Variants in DGKB observed in about 807,000 individuals in gnomAD.
The protein encoded by DGKB is diacylglycerol kinase beta.
In DGKB, 67 loss-of-function variants were observed where a neutral mutation model predicts 114.3. The observed-to-expected ratio is 0.59, with a 90% CI of 0.48 to 0.72. The LOEUF (loss-of-function observed/expected upper bound fraction) is 0.72. Ranked by LOEUF, DGKB falls within the 30% of genes least tolerant of loss-of-function variation. The pLI is 0.00. For synonymous variants in DGKB, 398 were observed against 323.1 expected (o/e 1.23, Z -2.49); for missense variants, 907 against 975.2 (o/e 0.93, Z 0.93).
intron 21 of DGKB, among the ~76,000 whole-genome samples, chr7:14,450,898 C>G (rs754819033): frequency 6.6e-6 from 1 of 151,940 alleles, no homozygotes; most frequent in Non-Finnish European, 1.5e-5. Flanking sequence ...AAACAGAGGT[C>G]AGGACAAGTA....
chr7:14,443,685 CTTT>C (rs1830367594), intron 21 of DGKB, among the ~76,000 whole-genome samples: 2 of 151,970 alleles, frequency 1.3e-5, no homozygotes, highest in African/African-American at 4.8e-5. Flanking sequence ...CTCATTCTCT[CTTT>C]TTCTCTCCAC....
chr7:14,415,276 GTAT>G (rs1415487860), intron 21 of DGKB, among the ~76,000 whole-genome samples: 1 of 143,134 alleles, frequency 7.0e-6, no homozygotes, highest in African/African-American at 2.5e-5. Flanking sequence ...TTAAATTTTA[GTAT>G]TATTATACTT....
intron 2 of DGKB, among the ~76,000 whole-genome samples, chr7:14,807,669 G>T (rs1842939018): frequency 6.6e-6 from 1 of 151,932 alleles, no homozygotes; most frequent in South Asian, 2.1e-4. Context: ...AGCTCAACAT[G>T]CATCCTCTCT....
chr7:14,387,242 T>C (rs1820522185), intron 21 of DGKB, among the ~76,000 whole-genome samples: 1 of 151,744 alleles, frequency 6.6e-6, no homozygotes, highest in Admixed American at 6.6e-5. Context: ...GCCAACATGG[T>C]GAAACTCCGT....
chr7:14,233,206 G>C (rs572642121), intron 23 of DGKB, among the ~76,000 whole-genome samples: 1 of 151,868 alleles, frequency 6.6e-6, no homozygotes, highest in Non-Finnish European at 1.5e-5. Flanking sequence ...GGCAAAGAAA[G>C]AAAAAAGGGA....
chr7:14,813,160 T>C (rs1441550390), intron 2 of DGKB, among the ~76,000 whole-genome samples: 1 of 152,180 alleles, frequency 6.6e-6, no homozygotes, highest in Non-Finnish European at 1.5e-5. Context: ...TAACCAGAAC[T>C]ATTCAAAGGA....
At chr7:14,602,281 CTG>C (rs1274350711) in intron 17 of DGKB, among the ~76,000 whole-genome samples, 1 of 152,128 alleles carries the variant, frequency 6.6e-6, no homozygotes, top group Admixed American at 6.5e-5. Flanking sequence ...AGATGAGACT[CTG>C]GGTTTTAGAT....
chr7:14,952,000 T>A (rs1046721485), intron 1 of DGKB, among the ~76,000 whole-genome samples: 2 of 152,068 alleles, frequency 1.3e-5, no homozygotes, highest in Non-Finnish European at 2.9e-5. Context: ...GTACTTTTAA[T>A]AGGTGAACTT....
At chr7:14,740,340 T>C (rs1832401630) in intron 4 of DGKB, among the ~76,000 whole-genome samples, 1 of 152,006 alleles carries the variant, frequency 6.6e-6, no homozygotes. Flanking sequence ...ACAGTTGATT[T>C]TGCACCAACC....
At chr7:14,826,232 T>C (rs920910298) in intron 2 of DGKB, among the ~76,000 whole-genome samples, 6 of 152,154 alleles carry the variant, frequency 3.9e-5, no homozygotes, top group Non-Finnish European at 7.4e-5. Flanking sequence ...TCGTGGAAGC[T>C]TCTGCCTATA....
chr7:14,948,091 C>T (rs772914763), intron 1 of DGKB, among the ~76,000 whole-genome samples: 1 of 151,402 alleles, frequency 6.6e-6, no homozygotes, highest in Non-Finnish European at 1.5e-5. Flanking sequence ...TGAAGGGGGC[C>T]GTATCAACAA....
intron 19 of DGKB, among the ~76,000 whole-genome samples, chr7:14,579,549 C>T (rs896002553): frequency 2.0e-5 from 3 of 152,082 alleles, no homozygotes; most frequent in Non-Finnish European, 2.9e-5. Context: ...TGAACACTGG[C>T]AAATACAAGT....
At chr7:14,692,177 A>G (rs1044614042) in intron 9 of DGKB, among the ~76,000 whole-genome samples, 5 of 146,692 alleles carry the variant, frequency 3.4e-5, no homozygotes, top group Non-Finnish European at 7.4e-5. Flanking sequence ...AGTAGTTTCC[A>G]AAAAAAATCA....
At chr7:14,470,240 T>C (rs972910647) in intron 21 of DGKB, among the ~76,000 whole-genome samples, 8 of 152,032 alleles carry the variant, frequency 5.3e-5, no homozygotes, top group Middle Eastern at 3.4e-3. Flanking sequence ...CTAATAAAAC[T>C]GATTTTATTC....
intron 13 of DGKB, among the ~76,000 whole-genome samples, chr7:14,658,631 C>A (rs62443686): frequency 0.025 from 3,791 of 151,826 alleles, 57 homozygotes; most frequent in South Asian, 0.039. Flanking sequence ...ATACCCTGAC[C>A]TGATCATTAC....
intron 4 of DGKB, among the ~76,000 whole-genome samples, chr7:14,741,412 G>A (rs1185856332): frequency 6.6e-6 from 1 of 152,134 alleles, no homozygotes; most frequent in African/African-American, 2.4e-5. Flanking sequence ...TTTCTATATG[G>A]TTCTGTCAGA....
At chr7:14,531,259 AC>A (rs903182139) in intron 20 of DGKB, among the ~76,000 whole-genome samples, 45 of 151,638 alleles carry the variant, frequency 3.0e-4, no homozygotes, top group Non-Finnish European at 5.5e-4. Flanking sequence ...AAGAAAAAAA[AC>A]AATGTTTTCT....
intron 13 of DGKB, among the ~76,000 whole-genome samples, chr7:14,668,972 C>G (rs967154060): frequency 2.0e-5 from 3 of 151,682 alleles, no homozygotes; most frequent in African/African-American, 7.3e-5. Context: ...TCCAAGCCGA[C>G]TGGAATTATA....
intron 21 of DGKB, among the ~76,000 whole-genome samples, chr7:14,383,527 G>C (rs1321250477): frequency 6.6e-6 from 1 of 152,114 alleles, no homozygotes; most frequent in African/African-American, 2.4e-5. Flanking sequence ...GTCATCAGGG[G>C]CCCAGATTCC....
Sources: allele counts gnomAD v4.1 joint callset (sites outside exome capture counted in the v4.1 genomes callset), GRCh38; gene constraint gnomAD v4.1.1; transcripts MANE v1.5; gene names NCBI Gene and HGNC (gene_info 2026-07-23, HGNC 2026-07-21).